OTUD5: variants seen among roughly 807,000 people sequenced by gnomAD.
OTUD5 encodes OTU domain-containing protein 5.
A neutral mutation model predicts 36.3 loss-of-function variants in OTUD5; 2 were observed. The ratio of observed to expected loss-of-function variants is 0.06; its 90% CI spans 0.02 to 0.17. The LOEUF is 0.17. Among genes scored for constraint, OTUD5 ranks in the 10% least tolerant of loss-of-function variants. The pLI, the probability that OTUD5 is intolerant of heterozygous loss-of-function variation, is 1.00. For missense variants in OTUD5, 233 were observed against 512.3 expected (o/e 0.45, Z 5.26); for synonymous variants, 234 against 214.9 (o/e 1.09, Z -0.78).
Position 48,923,742 on chromosome X carries a change from T to C in OTUD5, c.1470A>G (p.Thr490=). The change falls in exon 8 of 9, where the codon ACA becomes ACG. Residue 490 remains threonine (T), a synonymous_variant. Coordinates refer to ENST00000376488, the MANE Select transcript of OTUD5 (RefSeq NM_001136157.2). ...CGGCCCCTGCCGAGAACTGACTGCT[T>C]GTACCTGAAGCAGACGGACAGTCAA... ...AKPPSPCAPG[T]SSQFSAGADR... 1 of 1,201,107 alleles carries C rather than the reference T, an allele frequency of 8.3e-7. No individual in the cohort carries two copies. Among genetic ancestry groups the C allele is most frequent in the African/African-American group, 1.7e-5 (1 of 57,616 alleles).
intron 5 of OTUD5, among the ~76,000 whole-genome samples, chrX:48,933,272 A>C (rs1362226635): frequency 1.8e-5 from 2 of 111,528 alleles, no homozygotes; most frequent in Non-Finnish European, 3.8e-5. Context: ...GATAAAGGTC[A>C]TTAGGGAAAA....
intron 5 of OTUD5, 130 bp from the exon 6 acceptor site, chrX:48,926,180 G>C (rs2063662912): frequency 4.1e-6 from 2 of 484,208 alleles, no homozygotes; most frequent in Admixed American, 3.2e-5. Flanking sequence ...TACTCCCAAA[G>C]AGCAACACTC....
rs1183930890 is a variant in OTUD5, at chrX:48,947,626, C to A, written c.595-3343G>T. Among the ~76,000 whole-genome samples, 5 of 108,386 alleles carry A rather than the reference C, an allele frequency of 4.6e-5. No individual in the cohort carries two copies. The East Asian group carries it at 1.4e-3, about 31-fold the overall frequency. 94.1% of individuals were successfully genotyped at this position (108,386 alleles called of 115,157 possible). A position where few individuals can be genotyped will look rare whatever the true frequency, so the allele number is the denominator to read the frequency against. On this transcript the variant is annotated intron_variant, in intron 1 of 8. Transcript: ENST00000376488. The stretch of plus-strand genomic sequence containing the variant: ...GCTGAGGCAGGAGAATCGCTTGAAC[C>A]CGGGAGGCGGAGGTTGTGGTGAGCC...
rs782699912 is a variant in OTUD5, at chrX:48,935,002, T to C, written c.705A>G (p.Gly235=). ...GCACAACCTCATGCATGTCCTGGTC[T>C]CCATACACCTGGTCAGCTGTGGGGG... The part of the protein sequence containing the change: ...LFRAVADQVY[G]DQDMHEVVRK... The change falls in exon 3 of 9, where the codon GGA becomes GGG. Residue 235 remains glycine, a synonymous_variant. Coordinates refer to ENST00000376488, the MANE Select transcript of OTUD5 (RefSeq NM_001136157.2). 40 of 1,209,040 alleles carry C rather than the reference T, an allele frequency of 3.3e-5. No individual in the cohort carries two copies.
chrX:48,932,297 T>C (rs1408530461), intron 5 of OTUD5, among the ~76,000 whole-genome samples: 3 of 110,242 alleles, frequency 2.7e-5, no homozygotes, highest in Non-Finnish European at 5.7e-5. Flanking sequence ...AACAATTAAG[T>C]CTATTAAATA....
In OTUD5 at chrX:48,938,225, A is replaced by G. The variant is rs1160750662; in HGVS notation, c.689-3207T>C. On this transcript the variant is annotated intron_variant, in intron 2 of 8. Transcript: ENST00000376488. ...AGGGGGGAAACACACCACACTGATT[A>G]TAAGGTATACCCTAAGTTTGGAATC... Among the ~76,000 whole-genome samples the G allele has an allele frequency of 4.5e-5, 5 of 111,769 alleles. No individual in the cohort carries two copies. In the East Asian group the frequency reaches 1.1e-3, roughly 25 times the overall value.
intron 6 of OTUD5, among the ~76,000 whole-genome samples, chrX:48,925,266 A>G (rs1475977017): frequency 1.2e-5 from 1 of 81,838 alleles, no homozygotes; most frequent in African/African-American, 4.4e-5. Flanking sequence ...CGACAGAGCA[A>G]GACTCTGTCT....
Position 48,950,760 on chromosome X carries a change from T to C in OTUD5, c.594+6217A>G, listed in dbSNP as rs370113333. Among the ~76,000 whole-genome samples, 6 of 108,967 alleles carry C rather than the reference T, an allele frequency of 5.5e-5. No homozygotes were observed. The East Asian group carries it at 1.7e-3, about 31-fold the overall frequency. The allele number at this position is 108,967 out of a possible 115,157, so 94.6% of individuals were successfully genotyped here. On this transcript the variant is annotated intron_variant, in intron 1 of 8. Transcript: ENST00000376488. ...TATATTTTTAGTAGAGATGGGGTTTTACTATCTTGGCCAGGCTGGTCTTGA... is the reference window on the plus strand; with the variant it reads ...TATATTTTTAGTAGAGATGGGGTTTCACTATCTTGGCCAGGCTGGTCTTGA...
rs962364546 is a variant in OTUD5, at chrX:48,951,531, T to G, written c.594+5446A>C. 2.8e-5 allele frequency among the ~76,000 whole-genome samples: 3 copies of G among 108,392 alleles called. 1 individual carries two copies. The highest frequency in any genetic ancestry group is 5.8e-5 in the Non-Finnish European group (3 of 51,837). 94.1% of individuals were successfully genotyped at this position (108,392 alleles called of 115,157 possible). A position where few individuals can be genotyped will look rare whatever the true frequency, so the allele number is the denominator to read the frequency against. On this transcript the variant is annotated intron_variant, in intron 1 of 8. Transcript: ENST00000376488. The stretch of plus-strand genomic sequence containing the variant: ...TCGGGAGGCTGAGGCAGGAGAATGG[T>G]GTGAACCTGGGAGGTGGAGGTTGCA...
At chrX:48,947,557 G>A (rs1557052689) in intron 1 of OTUD5, among the ~76,000 whole-genome samples, 1 of 107,766 alleles carries the variant, frequency 9.3e-6, no homozygotes, top group African/African-American at 3.4e-5. Flanking sequence ...TACAAAATTA[G>A]CCAGGTGTGG....
At chrX:48,956,312 CGTGT>C (rs200578681) in intron 1 of OTUD5, among the ~76,000 whole-genome samples, 2 of 104,067 alleles carry the variant, frequency 1.9e-5, no homozygotes, top group African/African-American at 3.5e-5. Flanking sequence ...TTAAAGGGGG[CGTGT>C]GTGTGTGTGT....
At chrX:48,938,694 C>CAA (rs782283882) in intron 2 of OTUD5, among the ~76,000 whole-genome samples, 5 of 94,944 alleles carry the variant, frequency 5.3e-5, no homozygotes, top group African/African-American at 1.5e-4. Context: ...AACTCTGTCT[C>CAA]AAAAAAAAAA....
chrX:48,946,949 G>T (rs1225001075), intron 1 of OTUD5, among the ~76,000 whole-genome samples: 1 of 112,575 alleles, frequency 8.9e-6, no homozygotes, highest in Non-Finnish European at 1.9e-5. Flanking sequence ...GGGCTGGGCA[G>T]TGAGGACAGT....
intron 1 of OTUD5, among the ~76,000 whole-genome samples, chrX:48,946,606 C>A (rs1226794660): frequency 8.9e-6 from 1 of 112,057 alleles, no homozygotes; most frequent in Non-Finnish European, 1.9e-5. Context: ...TTGTGCACAA[C>A]ATTCCAGTGG....
chrX:48,955,749 G>C (rs1420568399), intron 1 of OTUD5, among the ~76,000 whole-genome samples: 1 of 111,450 alleles, frequency 9.0e-6, no homozygotes, highest in African/African-American at 3.3e-5. Context: ...CCCTGTTACA[G>C]AGGGGAAAAT....
At chrX:48,935,751 C>T (rs1410020939) in intron 2 of OTUD5, among the ~76,000 whole-genome samples, 6 of 109,667 alleles carry the variant, frequency 5.5e-5, no homozygotes, top group African/African-American at 1.7e-4. Flanking sequence ...CCAGCCTGGC[C>T]AACGTGGTAA....
At chrX:48,953,406 A>G (rs781916732) in intron 1 of OTUD5, among the ~76,000 whole-genome samples, 5 of 111,529 alleles carry the variant, frequency 4.5e-5, no homozygotes, top group Non-Finnish European at 9.4e-5. Context: ...GACATCCACC[A>G]TTCTTTGCCA....
At chrX:48,951,571 C>G (rs1307491198) in intron 1 of OTUD5, among the ~76,000 whole-genome samples, 1 of 110,121 alleles carries the variant, frequency 9.1e-6, no homozygotes, top group Non-Finnish European at 1.9e-5. Context: ...GCCAAGATCG[C>G]GCCACTACAC....
At chrX:48,937,955 C>T (rs1321089571) in intron 2 of OTUD5, among the ~76,000 whole-genome samples, 1 of 112,145 alleles carries the variant, frequency 8.9e-6, no homozygotes, top group Non-Finnish European at 1.9e-5. Flanking sequence ...TCTCCTGGCT[C>T]TCTACCTTTA....
Sources: allele counts gnomAD v4.1 joint callset (sites outside exome capture counted in the v4.1 genomes callset), GRCh38; gene constraint gnomAD v4.1.1; transcripts MANE v1.5; gene names NCBI Gene and HGNC (gene_info 2026-07-23, HGNC 2026-07-21).